The following TMEM131 variants were observed in gnomAD, a reference collection of about 807,000 sequenced individuals.
TMEM131 encodes the protein transmembrane protein 131, also known as 2610524E03Rik.
TMEM131 carries 66 observed loss-of-function variants against 211.6 expected under a neutral mutation model. That is an observed-to-expected ratio of 0.31 (90% CI 0.26 to 0.38). The LOEUF (loss-of-function observed/expected upper bound fraction) is 0.38, where lower values mean the gene tolerates loss of function less well. Ranked by LOEUF, TMEM131 falls within the 10% of genes least tolerant of loss-of-function variation. The pLI, the probability that TMEM131 is intolerant of heterozygous loss-of-function variation, is 1.00. For synonymous variants in TMEM131, 844 were observed against 841.3 expected, an observed-to-expected ratio of 1.00 and a Z score of -0.06; for missense variants, 2,036 against 2,299.3, an observed-to-expected ratio of 0.89 and a Z score of 2.34.
At chr2:97,853,405 G>A (rs1249279997) in intron 5 of TMEM131, among the ~76,000 whole-genome samples, 5 of 139,906 alleles carry the variant, frequency 3.6e-5, no homozygotes, top group African/African-American at 8.1e-5. Context: ...GACCAGCCTC[G>A]CCAACATGGT....
intron 3 of TMEM131, among the ~76,000 whole-genome samples, chr2:97,888,683 A>G (rs1187129102): frequency 2.0e-5 from 3 of 152,208 alleles, no homozygotes; most frequent in Non-Finnish European, 4.4e-5. Context: ...CCCACCTGAT[A>G]CCAGAACTTC....
chr2:97,923,495 G>A (rs916196386), intron 2 of TMEM131, among the ~76,000 whole-genome samples: 1 of 151,676 alleles, frequency 6.6e-6, no homozygotes, highest in African/African-American at 2.4e-5. Flanking sequence ...GGTGGCATGT[G>A]CCTGTAGTCC....
chr2:97,944,436 A>C (rs1677939952), intron 1 of TMEM131, among the ~76,000 whole-genome samples: 1 of 152,210 alleles, frequency 6.6e-6, no homozygotes, highest in African/African-American at 2.4e-5. Context: ...TCTTAACTAG[A>C]ATAGGTAAGC....
chr2:97,809,262 T>C (rs1681442384), intron 19 of TMEM131, among the ~76,000 whole-genome samples: 1 of 152,224 alleles, frequency 6.6e-6, no homozygotes, highest in African/African-American at 2.4e-5. Context: ...CAACTCACTA[T>C]TGCCTGAACC....
intron 4 of TMEM131, among the ~76,000 whole-genome samples, chr2:97,879,902 C>T (rs908151207): frequency 6.6e-6 from 1 of 152,140 alleles, no homozygotes; most frequent in African/African-American, 2.4e-5. Flanking sequence ...TGTGAATTTT[C>T]AACTACGCAG....
chr2:97,819,072 C>T (rs746304481), intron 11 of TMEM131, among the ~76,000 whole-genome samples: 1 of 152,162 alleles, frequency 6.6e-6, no homozygotes, highest in East Asian at 1.9e-4. Flanking sequence ...ACTTATGGAT[C>T]CCTCTTAAAG....
intron 5 of TMEM131, among the ~76,000 whole-genome samples, chr2:97,849,439 A>G (rs139702364): frequency 2.6e-5 from 4 of 152,162 alleles, no homozygotes; most frequent in African/African-American, 9.6e-5. Context: ...GAAATGCATT[A>G]TGCTAAAAGA....
chr2:97,940,476 T>C (rs1337109626), intron 1 of TMEM131, among the ~76,000 whole-genome samples: 1 of 152,142 alleles, frequency 6.6e-6, no homozygotes, highest in Non-Finnish European at 1.5e-5. Flanking sequence ...GAAGGACCTC[T>C]TCAAGGAGAA....
intron 36 of TMEM131, chr2:97,761,299 C>T (rs887150187): frequency 4.0e-5 from 7 of 176,098 alleles, no homozygotes; most frequent in Admixed American, 1.1e-4. Flanking sequence ...CAGGACACGG[C>T]GAGGTGCTCC....
At chr2:97,930,413 T>G (rs1052776506) in intron 1 of TMEM131, among the ~76,000 whole-genome samples, 2 of 151,712 alleles carry the variant, frequency 1.3e-5, no homozygotes, top group South Asian at 4.1e-4. Flanking sequence ...ATATAAAAAT[T>G]CTATTATGAA....
intron 1 of TMEM131, among the ~76,000 whole-genome samples, chr2:97,949,091 A>G (rs1042534164): frequency 1.3e-5 from 2 of 152,226 alleles, no homozygotes; most frequent in African/African-American, 4.8e-5. Flanking sequence ...CTTTATTTGT[A>G]ATAGTTCAAA....
At chr2:97,825,240 C>T (rs974176569) in intron 11 of TMEM131, among the ~76,000 whole-genome samples, 1 of 152,176 alleles carries the variant, frequency 6.6e-6, no homozygotes, top group African/African-American at 2.4e-5. Flanking sequence ...TTACTTTTGG[C>T]TATCAGTTCG....
chr2:97,890,344 G>T (rs1203209790), intron 3 of TMEM131, among the ~76,000 whole-genome samples: 1 of 152,220 alleles, frequency 6.6e-6, no homozygotes, highest in East Asian at 1.9e-4. Context: ...TAGGGTGGCT[G>T]CAAGGGAGAG....
At chr2:97,838,977 T>C (rs566979039) in intron 7 of TMEM131, among the ~76,000 whole-genome samples, 3 of 152,252 alleles carry the variant, frequency 2.0e-5, no homozygotes, top group Non-Finnish European at 4.4e-5. Context: ...ACATCACACA[T>C]TATTTCATCA....
At chr2:97,954,268 G>A (rs189211687) in intron 1 of TMEM131, among the ~76,000 whole-genome samples, 12 of 152,270 alleles carry the variant, frequency 7.9e-5, no homozygotes, top group African/African-American at 2.6e-4. Flanking sequence ...AAAGGCTCTA[G>A]CAAGACTGAC....
intron 17 of TMEM131, 123 bp from the exon 18 acceptor site, chr2:97,811,355 G>T: frequency 1.4e-6 from 1 of 708,964 alleles, no homozygotes; most frequent in Non-Finnish European, 2.6e-6. Context: ...GTATGACACT[G>T]AATTACCATA....
intron 1 of TMEM131, among the ~76,000 whole-genome samples, chr2:97,992,065 T>C (rs575260054): frequency 2.0e-5 from 3 of 152,322 alleles, no homozygotes; most frequent in East Asian, 1.9e-4. Context: ...GAAGCACTTA[T>C]TAAATAACAT....
intron 3 of TMEM131, among the ~76,000 whole-genome samples, chr2:97,896,057 T>C (rs1419167624): frequency 6.6e-6 from 1 of 152,222 alleles, no homozygotes; most frequent in Non-Finnish European, 1.5e-5. Context: ...GAGATTCTGG[T>C]ACATTGTGTC....
intron 4 of TMEM131, among the ~76,000 whole-genome samples, chr2:97,865,540 T>C (rs574355956): frequency 3.6e-4 from 55 of 152,354 alleles, no homozygotes; most frequent in African/African-American, 1.2e-3. Flanking sequence ...ACTTGATTAT[T>C]GGTTTTCCCT....
Sources: gnomAD v4.1 joint callset for allele counts (sites outside exome capture counted in the v4.1 genomes callset) on GRCh38, gnomAD v4.1.1 for gene constraint, MANE v1.5 for transcripts, NCBI Gene and HGNC (gene_info 2026-07-23, HGNC 2026-07-21) for gene names.